Variants in ARMC6 observed in about 807,000 individuals in gnomAD.
ARMC6 encodes armadillo repeat-containing protein 6.
ARMC6 carries 43 observed loss-of-function variants against 49.2 expected under a neutral mutation model. The observed-to-expected ratio is 0.87, with a 90% CI of 0.69 to 1.13. The LOEUF is 1.13. ARMC6 is among the 50% of genes most tolerant of loss of function. ARMC6 has a pLI of 0.00. For synonymous variants in ARMC6, 262 were observed against 289.6 expected (o/e 0.90, Z 0.97); for missense variants, 627 against 682.0 (o/e 0.92, Z 0.90).
intron 2 of ARMC6, chr19:19,037,679 G>A (rs966726969): frequency 1.4e-5 from 16 of 1,151,682 alleles, no homozygotes; most frequent in African/African-American, 1.0e-4. Flanking sequence ...ATTCCAGAAC[G>A]GAAACTTGAT....
rs2059526511 is a variant in ARMC6 at position 19,054,448 on chromosome 19, G to T, written c.1023+127G>T. ...CCAAAGTGCAGTTTTTCTTTTCACG[G>T]ACCCAAGGGCAGGAACCAAAGGTCG... is the stretch of plus-strand genomic sequence containing the variant. On this transcript the variant is annotated intron_variant, in intron 6 of 8. Coordinates refer to ENST00000535612, the MANE Select transcript of ARMC6 (RefSeq NM_001199196.2). 17 of 1,039,582 alleles carry T rather than the reference G, an allele frequency of 1.6e-5. No individual in the cohort carries two copies. In the East Asian group the frequency reaches 4.7e-4, roughly 29 times the overall value. The allele number at this position is 1,039,582 out of a possible 1,614,324, so 64.4% of individuals were successfully genotyped here.
chr19:19,034,063 C>T lies in ARMC6; in HGVS notation c.-79-68C>T, dbSNP rs1568482613. ...AAATGAAAGAATTTTACAGAAGCCG[C>T]CTGGGGACAAAATCCTCGGCTTCCC... On this transcript the variant is annotated intron_variant, in intron 1 of 8. Coordinates refer to ENST00000535612, the MANE Select transcript of ARMC6 (RefSeq NM_001199196.2). 9.5e-6 allele frequency: 6 copies of T among 633,884 alleles called. No individual in the cohort carries two copies. The East Asian group carries it at 1.2e-4, about 12-fold the overall frequency. The allele number at this position is 633,884 out of a possible 1,614,324, so 39.3% of individuals were successfully genotyped here.
Position 19,044,019 on chromosome 19 carries a change from C to A in ARMC6, c.224C>A (p.Thr75Lys). 1 of 1,614,138 alleles carries A rather than the reference C, an allele frequency of 6.2e-7. No individual in the cohort carries two copies. Among genetic ancestry groups the A allele is most frequent in the Non-Finnish European group, 8.5e-7 (1 of 1,179,994 alleles). ...QGVDLSNIVK[T>K]APKVSADGSQ... ...GTTGATCTGAGCAACATTGTAAAGA[C>A]GGCACCTAAAGTCTCTGCAGACGGA... Residue 75 changes from threonine (T) to lysine (K), a missense_variant, in exon 4 of 9, where the codon ACG becomes AAG. By Grantham distance (78) the Thr-to-Lys change is moderately conservative. Transcript: ENST00000535612.
At chr19:19,042,669 G>A in intron 2 of ARMC6, 42 bp from the exon 3 acceptor site, 4 of 1,605,308 alleles carry the variant, frequency 2.5e-6, no homozygotes, top group Non-Finnish European at 3.4e-6. Flanking sequence ...GCCATTGCCT[G>A]CTCACCCTTG....
Position 19,055,511 on chromosome 19 carries a change from G to T in ARMC6, c.1155+115G>T. 1.4e-6 allele frequency: 2 copies of T among 1,430,990 alleles called. No individual in the cohort carries two copies. Among genetic ancestry groups the T allele is most frequent in the Middle Eastern group, 1.9e-4 (1 of 5,404 alleles). 88.6% of individuals were successfully genotyped at this position (1,430,990 alleles called of 1,614,324 possible). On this transcript the variant is annotated intron_variant, in intron 7 of 8. Transcript: ENST00000535612. The surrounding 1 kb of genome is among the most constrained non-coding windows in gnomAD (Gnocchi z 5.7). ...CAGGGCCAGGGCAGGGCTGGTGAGGGTCGTGGGCATTGGCTCTCAAATGCT... is the reference window on the plus strand; with the variant it reads ...CAGGGCCAGGGCAGGGCTGGTGAGGTTCGTGGGCATTGGCTCTCAAATGCT...
chr19:19,047,819 G>A (rs2059463870), intron 4 of ARMC6, among the ~76,000 whole-genome samples: 1 of 152,186 alleles, frequency 6.6e-6, no homozygotes, highest in African/African-American at 2.4e-5. Flanking sequence ...GTTTTAGGGA[G>A]ACATGAGATA....
At chr19:19,037,651 T>C (rs758437235) in intron 2 of ARMC6, 1 of 1,191,912 alleles carries the variant, frequency 8.4e-7, no homozygotes, top group South Asian at 1.5e-5. Context: ...ATGCCTGGCC[T>C]GAAGTGGAAA....
intron 2 of ARMC6, among the ~76,000 whole-genome samples, chr19:19,035,038 A>AT (rs1037182438): frequency 1.7e-4 from 26 of 151,858 alleles, no homozygotes; most frequent in Non-Finnish European, 3.2e-4. Context: ...GTTTTTTTGT[A>AT]TTTTTTTAGT....
At chr19:19,045,518 C>CA (rs1568491468) in intron 4 of ARMC6, among the ~76,000 whole-genome samples, 1 of 8,574 alleles carries the variant, frequency 1.2e-4, no homozygotes, top group Non-Finnish European at 2.7e-4. Context: ...ACAAGAGTCT[C>CA]ACTCTGTTGC....
intron 2 of ARMC6, among the ~76,000 whole-genome samples, chr19:19,040,136 CG>C (rs1335857053): frequency 6.6e-6 from 1 of 152,128 alleles, no homozygotes; most frequent in African/African-American, 2.4e-5. Context: ...TGATCAGATT[CG>C]GGTTTGAGAT....
intron 5 of ARMC6, 62 bp from the exon 6 acceptor site, chr19:19,054,090 A>G: frequency 6.9e-7 from 1 of 1,449,780 alleles, no homozygotes; most frequent in South Asian, 1.5e-5. Context: ...ATCTCCACCA[A>G]AACAGAGGGC....
intron 2 of ARMC6, among the ~76,000 whole-genome samples, chr19:19,037,049 G>A (rs1380751025): frequency 6.6e-6 from 1 of 152,224 alleles, no homozygotes; most frequent in African/African-American, 2.4e-5. Flanking sequence ...AGCTGGGCGT[G>A]GTGGCGTGGG....
At chr19:19,043,574 C>T (rs1438257892) in intron 3 of ARMC6, among the ~76,000 whole-genome samples, 2 of 152,130 alleles carry the variant, frequency 1.3e-5, no homozygotes, top group Non-Finnish European at 2.9e-5. Flanking sequence ...CAAGCAAAAG[C>T]GTCCAGCACT....
intron 3 of ARMC6, among the ~76,000 whole-genome samples, chr19:19,043,177 G>C (rs2059423648): frequency 6.6e-6 from 1 of 152,216 alleles, no homozygotes; most frequent in East Asian, 1.9e-4. Context: ...CTGCCTCCCT[G>C]CCCTACTCTA....
rs758330894 is a variant in ARMC6, at chr19:19,051,885, A to C, written c.543A>C (p.Leu181=). 2 of 1,614,168 alleles carry C rather than the reference A, an allele frequency of 1.2e-6. No individual in the cohort carries two copies. Among genetic ancestry groups the C allele is most frequent in the South Asian group, 2.2e-5 (2 of 91,084 alleles). ...DLLDAQGLQL[L]VATLTQNADE... is the part of the protein sequence containing the mutation. ...TGGATGCCCAGGGCCTGCAGCTCCT[A>C]GTGGCCACGCTGACCCAGAATGCTG... The change falls in exon 5 of 9, where the codon CTA becomes CTC. Residue 181 remains leucine, a synonymous_variant. Coordinates refer to ENST00000535612, the MANE Select transcript of ARMC6 (RefSeq NM_001199196.2).
Position 19,042,713 on chromosome 19 carries a change from C to T in ARMC6, c.32C>T (p.Ser11Leu). The change falls in exon 3 of 9, where the codon TCA becomes TTA. Residue 11 changes from serine to leucine, a missense_variant and splice_region_variant. By Grantham distance (145) the Ser-to-Leu change is moderately radical. Transcript: ENST00000535612. MSERCCSRYS[S>L]GASIGCTPTS... ...CTCTCTTTGCCCTAACCTCTCAGCT[C>T]AGGAGCATCTATCGGCTGCACGCCA... 2.5e-6 allele frequency: 4 copies of T among 1,612,696 alleles called. No homozygotes were observed. The highest frequency in any genetic ancestry group is 2.2e-5 in the East Asian group (1 of 44,876).
At chr19:19,054,403 C>G in intron 6 of ARMC6, 82 bp downstream of exon 6, 3 of 1,348,002 alleles carry the variant, frequency 2.2e-6, no homozygotes, top group Non-Finnish European at 1.9e-6. Flanking sequence ...ACAAGCCAGC[C>G]CTGCCTGCCA....
intron 1 of ARMC6, 99 bp downstream of exon 1, chr19:19,034,029 G>GA: frequency 1.7e-5 from 9 of 540,450 alleles, no homozygotes; most frequent in African/African-American, 6.0e-5. Flanking sequence ...TGGTTTGGGG[G>GA]GAAAAAAAAA....
rs774855448 is a variant in ARMC6 at position 19,057,550 on chromosome 19, G to A, written c.1428G>A (p.Lys476=). Residue 476 remains lysine, a synonymous_variant, in exon 9 of 9, where the codon AAG becomes AAA. Coordinates refer to ENST00000535612, the MANE Select transcript of ARMC6 (RefSeq NM_001199196.2). ...ACCGTGACTGTGAGGACGTGGCCAA[G>A]GCCGCCCTGCGGGACCTGGGTTGTC... ...SAHRDCEDVA[K]AALRDLGCHV... The A allele has an allele frequency of 1.9e-6, 3 of 1,613,886 alleles. No homozygotes were observed. The highest frequency in any genetic ancestry group is 2.5e-6 in the Non-Finnish European group (3 of 1,180,002).
Sources: allele counts gnomAD v4.1 joint callset (sites outside exome capture counted in the v4.1 genomes callset), GRCh38; gene constraint gnomAD v4.1.1; non-coding constraint Gnocchi (gnomAD v3.1); transcripts MANE v1.5; gene names NCBI Gene and HGNC (gene_info 2026-07-23, HGNC 2026-07-21).